The following IMMP2L variants were observed in gnomAD, a reference collection of about 807,000 sequenced individuals.
The protein encoded by IMMP2L is mitochondrial inner membrane protease subunit 2.
In IMMP2L, 18 loss-of-function variants were observed where a neutral mutation model predicts 19.3. That is an observed-to-expected ratio of 0.93 (90% CI 0.64 to 1.38). The LOEUF (loss-of-function observed/expected upper bound fraction) is 1.38, where lower values mean the gene tolerates loss of function less well. IMMP2L is among the 40% of genes most tolerant of loss of function. The pLI is 0.00. For synonymous variants in IMMP2L, 76 were observed against 73.0 expected, an observed-to-expected ratio of 1.04 and a Z score of -0.21; for missense variants, 233 against 218.2, an observed-to-expected ratio of 1.07 and a Z score of -0.43.
intron 2 of IMMP2L, among the ~76,000 whole-genome samples, chr7:111,502,357 A>T (rs1844372397): frequency 6.6e-6 from 1 of 152,284 alleles, no homozygotes; most frequent in South Asian, 2.1e-4. Flanking sequence ...TTAGACTCCC[A>T]CACAATAATA....
At chr7:111,016,884 T>A (rs1468190558) in intron 3 of IMMP2L, among the ~76,000 whole-genome samples, 2 of 89,454 alleles carry the variant, frequency 2.2e-5, no homozygotes, top group African/African-American at 4.7e-5. Context: ...TAATATATAT[T>A]ATATATAATA....
At chr7:111,106,069 C>T (rs1382379250) in intron 3 of IMMP2L, among the ~76,000 whole-genome samples, 1 of 151,936 alleles carries the variant, frequency 6.6e-6, no homozygotes, top group African/African-American at 2.4e-5. Context: ...TAACACATAA[C>T]ATAGTCTTTT....
At chr7:111,372,869 G>A (rs979291721) in intron 3 of IMMP2L, among the ~76,000 whole-genome samples, 3 of 152,028 alleles carry the variant, frequency 2.0e-5, no homozygotes, top group East Asian at 1.9e-4. Context: ...TTCAAGTGCT[G>A]TAGATCATTG....
At chr7:110,724,809 A>G (rs1035235958) in intron 5 of IMMP2L, among the ~76,000 whole-genome samples, 1 of 152,188 alleles carries the variant, frequency 6.6e-6, no homozygotes, top group African/African-American at 2.4e-5. Context: ...CCCCTCATCA[A>G]TAATCACCTG....
chr7:111,149,941 CG>C (rs1803891777), intron 3 of IMMP2L, among the ~76,000 whole-genome samples: 1 of 152,114 alleles, frequency 6.6e-6, no homozygotes, highest in Non-Finnish European at 1.5e-5. Flanking sequence ...TCTTATACCC[CG>C]TGAAGTAATA....
At chr7:110,669,656 C>T (rs2130314872) in intron 5 of IMMP2L, among the ~76,000 whole-genome samples, 1 of 152,250 alleles carries the variant, frequency 6.6e-6, no homozygotes, top group African/African-American at 2.4e-5. Flanking sequence ...TCATTTAATT[C>T]TTAAAATAAG....
chr7:111,511,845 C>A (rs1255976743), intron 2 of IMMP2L, among the ~76,000 whole-genome samples: 1 of 152,094 alleles, frequency 6.6e-6, no homozygotes, highest in Non-Finnish European at 1.5e-5. Flanking sequence ...GGACTTCTAA[C>A]CCCACTCAGC....
chr7:111,080,581 A>T (rs1456922783), intron 3 of IMMP2L, among the ~76,000 whole-genome samples: 3 of 152,106 alleles, frequency 2.0e-5, no homozygotes, highest in African/African-American at 7.2e-5. Flanking sequence ...ATTATAAGTG[A>T]TTGAAAGGAC....
intron 3 of IMMP2L, among the ~76,000 whole-genome samples, chr7:111,324,765 T>C (rs1825133702): frequency 6.6e-6 from 1 of 151,894 alleles, no homozygotes; most frequent in Non-Finnish European, 1.5e-5. Flanking sequence ...ATTGACAAAA[T>C]GTATTTTTAG....
At chr7:111,062,365 T>C (rs1276798142) in intron 3 of IMMP2L, among the ~76,000 whole-genome samples, 1 of 152,112 alleles carries the variant, frequency 6.6e-6, no homozygotes, top group Admixed American at 6.5e-5. Context: ...ACCCTATAAT[T>C]AAATCACCTC....
intron 3 of IMMP2L, among the ~76,000 whole-genome samples, chr7:111,046,567 G>C (rs192900572): frequency 6.6e-6 from 1 of 152,024 alleles, no homozygotes; most frequent in Non-Finnish European, 1.5e-5. Flanking sequence ...AAAAAGAAAA[G>C]CTTTTCTCAT....
chr7:110,824,523 G>T (rs565595811), intron 5 of IMMP2L, among the ~76,000 whole-genome samples: 14 of 151,934 alleles, frequency 9.2e-5, no homozygotes, highest in Non-Finnish European at 2.1e-4. Flanking sequence ...ACACCACCAC[G>T]CCTGGCTTAT....
chr7:110,862,199 G>C (rs542687197), intron 5 of IMMP2L, among the ~76,000 whole-genome samples: 1 of 151,490 alleles, frequency 6.6e-6, no homozygotes, highest in East Asian at 1.9e-4. Flanking sequence ...CTTTAGAGAA[G>C]ACTTTTAAAG....
chr7:111,237,079 C>G (rs1814416326), intron 3 of IMMP2L, among the ~76,000 whole-genome samples: 1 of 151,756 alleles, frequency 6.6e-6, no homozygotes. Flanking sequence ...TTCAAATGGA[C>G]AAAAAAGAAC....
chr7:110,956,440 A>C (rs1393439607), intron 4 of IMMP2L, among the ~76,000 whole-genome samples: 1 of 151,990 alleles, frequency 6.6e-6, no homozygotes, highest in East Asian at 1.9e-4. Flanking sequence ...TTCTCTGAAT[A>C]CTTCTTGGAA....
In IMMP2L at chr7:110,727,945, A is replaced by G. The variant is rs1796008237; in HGVS notation, c.409-64224T>C. 6.6e-6 allele frequency among the ~76,000 whole-genome samples: 1 copy of G among 152,178 alleles called. No individual in the cohort carries two copies. The highest frequency in any genetic ancestry group is 2.1e-4 in the South Asian group (1 of 4,828). ...CTAACAAGCTCTGCATTGCATACCC[A>G]CACACATGTAATTCTGCTCACTTCT... On this transcript the variant is annotated intron_variant, in intron 5 of 5. Transcript: ENST00000405709. This position sits in a 1 kb window ranked among gnomAD's most constrained non-coding sequence, Gnocchi z 4.3.
chr7:110,757,872 T>C lies in IMMP2L; in HGVS notation c.409-94151A>G, dbSNP rs145662264. On this transcript the variant is annotated intron_variant, in intron 5 of 5. Coordinates refer to ENST00000405709, the MANE Select transcript of IMMP2L (RefSeq NM_032549.4). The surrounding 1 kb of genome is among the most constrained non-coding windows in gnomAD (Gnocchi z 4.2). ...AAGTGGGGAGGGGAAGCCATGCAGC[T>C]GTTTGGAGGAAGAGAATTTCAGGCA... Among the ~76,000 whole-genome samples the C allele has an allele frequency of 6.6e-6, 1 of 152,202 alleles. No individual in the cohort carries two copies. The highest frequency in any genetic ancestry group is 1.9e-4 in the East Asian group (1 of 5,166).
At chr7:111,125,993 T>C (rs1801270689) in intron 3 of IMMP2L, among the ~76,000 whole-genome samples, 1 of 151,998 alleles carries the variant, frequency 6.6e-6, no homozygotes, top group South Asian at 2.1e-4. Flanking sequence ...CGGCTAATTT[T>C]TGTATTTTTA....
intron 3 of IMMP2L, among the ~76,000 whole-genome samples, chr7:111,390,980 A>T (rs1328290635): frequency 2.0e-5 from 3 of 152,130 alleles, no homozygotes; most frequent in African/African-American, 4.8e-5. Flanking sequence ...CACTACTAAA[A>T]TATATTCAAC....
Sources: gnomAD v4.1 joint callset for allele counts (sites outside exome capture counted in the v4.1 genomes callset) on GRCh38, gnomAD v4.1.1 for gene constraint, Gnocchi (gnomAD v3.1) non-coding constraint, MANE v1.5 for transcripts, NCBI Gene and HGNC (gene_info 2026-07-23, HGNC 2026-07-21) for gene names.